CCDC7: variants seen among roughly 807,000 people sequenced by gnomAD.
CCDC7 encodes the protein coiled-coil domain-containing protein 7.
In CCDC7, 183 loss-of-function variants were observed where a neutral mutation model predicts 196.9. That is an observed-to-expected ratio of 0.93 (90% CI 0.82 to 1.05). The LOEUF is 1.05. Among genes scored for constraint, CCDC7 ranks in the 50% least tolerant of loss-of-function variants. The probability of loss-of-function intolerance (pLI) is 0.00; values close to 1 mark genes in which losing one functional copy is unlikely to be tolerated. For missense variants in CCDC7, 1,540 were observed against 1,482.2 expected, an observed-to-expected ratio of 1.04 and a Z score of -0.64; for synonymous variants, 525 against 484.6, an observed-to-expected ratio of 1.08 and a Z score of -1.10.
intron 18 of CCDC7, among the ~76,000 whole-genome samples, chr10:32,605,594 G>C (rs1271143856): frequency 6.6e-6 from 1 of 152,212 alleles, no homozygotes; most frequent in African/African-American, 2.4e-5. Context: ...CTAGAGCAAA[G>C]ATCACCCTTA....
intron 14 of CCDC7, among the ~76,000 whole-genome samples, chr10:32,567,450 A>G (rs1326933340): frequency 1.3e-5 from 2 of 152,158 alleles, no homozygotes; most frequent in Non-Finnish European, 2.9e-5. Context: ...GTATAAAAAT[A>G]GCCCTCAAAG....
intron 15 of CCDC7, among the ~76,000 whole-genome samples, chr10:32,571,539 A>G (rs539284746): frequency 6.6e-6 from 1 of 152,280 alleles, no homozygotes; most frequent in East Asian, 1.9e-4. Flanking sequence ...TGCTCTGTCT[A>G]TGGATCAGCT....
intron 21 of CCDC7, among the ~76,000 whole-genome samples, chr10:32,669,405 G>A (rs2073578039): frequency 1.3e-5 from 2 of 152,090 alleles, no homozygotes; most frequent in African/African-American, 4.8e-5. Context: ...CCTAAAATGA[G>A]TTTGGAAGTG....
In CCDC7 at chr10:32,656,072, A is replaced by G. The variant is rs574663046; in HGVS notation, c.2015-7982A>G. ...GTTTAGTTTGATACAATCTTATTCT[A>G]TTTTTGCTTTTGGGGTTGTATTAAA... On this transcript the variant is annotated intron_variant, in intron 20 of 41. Coordinates refer to ENST00000639629, the Ensembl canonical transcript of CCDC7. Among the ~76,000 whole-genome samples, 8 of 143,150 alleles carry G rather than the reference A, an allele frequency of 5.6e-5. No individual in the cohort carries two copies. In the South Asian group the frequency reaches 1.1e-3, roughly 20 times the overall value. 93.9% of individuals were successfully genotyped at this position (143,150 alleles called of 152,430 possible).
chr10:32,846,953 T>C (rs187090372), intron 37 of CCDC7, among the ~76,000 whole-genome samples: 237 of 152,330 alleles, frequency 1.6e-3, no homozygotes, highest in African/African-American at 5.6e-3. Flanking sequence ...AGAGATTACA[T>C]TACTGGCTTT....
intron 21 of CCDC7, among the ~76,000 whole-genome samples, chr10:32,685,665 T>C (rs922826382): frequency 6.6e-6 from 1 of 152,208 alleles, no homozygotes. Context: ...AACTTGTACA[T>C]ATGTATTTTT....
In CCDC7 at chr10:32,800,068, C is replaced by G. The variant is rs979563404; in HGVS notation, c.3014-4947C>G. On this transcript the variant is annotated intron_variant, in intron 29 of 41. Coordinates refer to ENST00000639629, the Ensembl canonical transcript of CCDC7. ...AGCAATGAAACTACATCTGATACAG[C>G]AGCTGCAGTTGGAGTAAACCCTTTG... 3.3e-5 allele frequency among the ~76,000 whole-genome samples: 5 copies of G among 152,178 alleles called. No homozygotes were observed. In the East Asian group the frequency reaches 9.6e-4, roughly 29 times the overall value.
At chr10:32,474,268 G>T (rs2038562798) in intron 8 of CCDC7, among the ~76,000 whole-genome samples, 2 of 127,116 alleles carry the variant, frequency 1.6e-5, no homozygotes, top group Admixed American at 2.0e-4. Flanking sequence ...CTGTTGCCCA[G>T]GCTGGAGTGC....
intron 40 of CCDC7, among the ~76,000 whole-genome samples, chr10:32,853,328 T>C (rs184246337): frequency 3.9e-5 from 6 of 152,288 alleles, no homozygotes; most frequent in African/African-American, 1.2e-4. Context: ...GGTCTTCTCT[T>C]ATGGATTGAA....
rs182008386 is a variant in CCDC7, at chr10:32,819,493, C to G, written c.3182-5025C>G. ...GGTCAGCATCATCCTGATACCAAAG[C>G]CTGACAGAGACACAACAAAAAAAAG... is the stretch of plus-strand genomic sequence containing the variant. On this transcript the variant is annotated intron_variant, in intron 31 of 41. Transcript: ENST00000639629. Among the ~76,000 whole-genome samples the G allele has an allele frequency of 7.7e-3, 1,179 of 152,230 alleles. 7 individuals are homozygous for G. Among genetic ancestry groups the G allele is most frequent in the Non-Finnish European group, 0.012 (794 of 68,000 alleles).
At chr10:32,669,897 C>T (rs930111639) in intron 21 of CCDC7, among the ~76,000 whole-genome samples, 34 of 152,074 alleles carry the variant, frequency 2.2e-4, no homozygotes, top group African/African-American at 6.7e-4. Flanking sequence ...TATTGTTATA[C>T]GTGAATTCTC....
intron 21 of CCDC7, among the ~76,000 whole-genome samples, chr10:32,684,100 G>A (rs1479628386): frequency 2.6e-5 from 4 of 152,160 alleles, no homozygotes; most frequent in African/African-American, 9.7e-5. Context: ...TGGGGGGTGG[G>A]GTGAGGTGGG....
chr10:32,496,084 A>T (rs1390105358), intron 9 of CCDC7, among the ~76,000 whole-genome samples: 1 of 152,030 alleles, frequency 6.6e-6, no homozygotes, highest in Non-Finnish European at 1.5e-5. Flanking sequence ...TGTGGTTTGT[A>T]GTTCTCCTTG....
intron 9 of CCDC7, among the ~76,000 whole-genome samples, chr10:32,515,480 T>C (rs888268562): frequency 2.0e-5 from 3 of 152,204 alleles, no homozygotes; most frequent in African/African-American, 7.2e-5. Context: ...AAAGTCTTTT[T>C]AATAAATGGT....
At chr10:32,810,412 AAG>A (rs566149959) in intron 30 of CCDC7, among the ~76,000 whole-genome samples, 1 of 152,224 alleles carries the variant, frequency 6.6e-6, no homozygotes, top group Non-Finnish European at 1.5e-5. Flanking sequence ...AAACAATAAA[AAG>A]AGATAAGGAT....
intron 24 of CCDC7, among the ~76,000 whole-genome samples, chr10:32,703,106 G>A (rs1005018924): frequency 2.1e-4 from 32 of 152,164 alleles, no homozygotes; most frequent in African/African-American, 7.2e-4. Context: ...TTTCTTCCTA[G>A]CATTGATGGT....
Position 32,654,927 on chromosome 10 carries a change from A to G in CCDC7, c.2015-9127A>G, listed in dbSNP as rs140799235. Among the ~76,000 whole-genome samples the G allele has an allele frequency of 3.9e-5, 6 of 152,282 alleles. No homozygotes were observed. In the East Asian group the frequency reaches 1.2e-3, roughly 29 times the overall value. On this transcript the variant is annotated intron_variant, in intron 20 of 41. Transcript: ENST00000639629. ...TTTGAGATTTTGATGGTCAGCCCCA[A>G]CCTGGTAGTGCTCATCACATGTCTA... is the stretch of plus-strand genomic sequence containing the variant.
chr10:32,832,263 A>C (rs536344505), intron 32 of CCDC7, among the ~76,000 whole-genome samples: 1 of 152,240 alleles, frequency 6.6e-6, no homozygotes, highest in East Asian at 1.9e-4. Flanking sequence ...GCACTTTGGG[A>C]GGCCAAGGTG....
At chr10:32,495,081 G>A (rs963012105) in intron 9 of CCDC7, among the ~76,000 whole-genome samples, 1 of 152,074 alleles carries the variant, frequency 6.6e-6, no homozygotes, top group Admixed American at 6.5e-5. Context: ...TTTAATGATC[G>A]CCATTCTAAC....
Sources: allele counts gnomAD v4.1 joint callset (sites outside exome capture counted in the v4.1 genomes callset), GRCh38; gene constraint gnomAD v4.1.1; transcripts MANE v1.5; gene names NCBI Gene and HGNC (gene_info 2026-07-23, HGNC 2026-07-21).